CTNNA3: variants seen among roughly 807,000 people sequenced by gnomAD.
CTNNA3 encodes catenin alpha 3.
CTNNA3 carries 76 observed loss-of-function variants against 95.7 expected under a neutral mutation model. That is an observed-to-expected ratio of 0.79 (90% CI 0.66 to 0.96). The LOEUF (loss-of-function observed/expected upper bound fraction) is 0.96. Ranked by LOEUF, CTNNA3 falls within the 40% of genes least tolerant of loss-of-function variation. CTNNA3 has a pLI of 0.00. For synonymous variants in CTNNA3, 431 were observed against 374.4 expected, an observed-to-expected ratio of 1.15 and a Z score of -1.74; for missense variants, 1,191 against 1,089.8, an observed-to-expected ratio of 1.09 and a Z score of -1.31.
chr10:67,175,411 A>G (rs1468982386), intron 7 of CTNNA3, among the ~76,000 whole-genome samples: 1 of 152,114 alleles, frequency 6.6e-6, no homozygotes, highest in African/African-American at 2.4e-5. Flanking sequence ...CTTTATATGA[A>G]TTTTCAGAAT....
Position 65,956,991 on chromosome 10 carries a change from T to G in CTNNA3, c.2400+9621A>C, listed in dbSNP as rs181425322. ...GTGTCTAATGTTGACAGTGGGGTGT[T>G]AAAATCTCCCATTATTATTGTGTGG... is the stretch of plus-strand genomic sequence containing the variant. On this transcript the variant is annotated intron_variant, in intron 17 of 17. Coordinates refer to ENST00000433211, the MANE Select transcript of CTNNA3 (RefSeq NM_013266.4). Among the ~76,000 whole-genome samples the G allele has an allele frequency of 2.6e-3, 403 of 152,278 alleles. 2 individuals carry two copies. The highest frequency in any genetic ancestry group is 6.8e-3 in the Middle Eastern group (2 of 294).
chr10:67,698,147 T>C (rs1841002683), upstream of CTNNA3, among the ~76,000 whole-genome samples: 1 of 152,230 alleles, frequency 6.6e-6, no homozygotes, highest in Admixed American at 6.5e-5. Flanking sequence ...CTTCCCTATT[T>C]ACTTGTTTCC....
intron 9 of CTNNA3, among the ~76,000 whole-genome samples, chr10:66,704,315 T>C (rs1026583880): frequency 2.2e-4 from 34 of 152,304 alleles, no homozygotes; most frequent in African/African-American, 7.7e-4. Flanking sequence ...AGTTTGACTT[T>C]CTGTGCTGTA....
At chr10:67,760,997 C>T (rs964598402) in intron 1 of CTNNA3, among the ~76,000 whole-genome samples, 7 of 152,102 alleles carry the variant, frequency 4.6e-5, no homozygotes, top group African/African-American at 1.4e-4. Flanking sequence ...AAAACCATCC[C>T]GTGGAAAATT....
intron 5 of CTNNA3, among the ~76,000 whole-genome samples, chr10:67,360,334 G>A (rs1397828378): frequency 6.6e-6 from 1 of 151,332 alleles, no homozygotes; most frequent in Non-Finnish European, 1.5e-5. Context: ...TATCATGACT[G>A]GATCAAAACC....
At chr10:67,391,842 G>C (rs1455737664) in intron 5 of CTNNA3, among the ~76,000 whole-genome samples, 1 of 151,304 alleles carries the variant, frequency 6.6e-6, no homozygotes, top group Non-Finnish European at 1.5e-5. Flanking sequence ...TGGGAAAACT[G>C]GCTACCCATT....
chr10:67,262,458 A>G (rs1191247836), intron 5 of CTNNA3, among the ~76,000 whole-genome samples: 3 of 152,182 alleles, frequency 2.0e-5, no homozygotes, highest in Non-Finnish European at 4.4e-5. Context: ...ACTAGTGACC[A>G]TGAGATTCCC....
chr10:66,401,277 A>C (rs574011588), intron 11 of CTNNA3, among the ~76,000 whole-genome samples: 14 of 152,284 alleles, frequency 9.2e-5, no homozygotes, highest in Middle Eastern at 3.4e-3. Context: ...CTATAATCCC[A>C]GCACGCTGGG....
intron 5 of CTNNA3, among the ~76,000 whole-genome samples, chr10:67,368,642 G>A (rs548237547): frequency 1.8e-4 from 27 of 152,130 alleles, no homozygotes; most frequent in East Asian, 5.8e-4. Flanking sequence ...ATAAATAAAC[G>A]AATAATGGTA....
At chr10:67,706,275 C>T (rs1841078237) in intron 1 of CTNNA3, among the ~76,000 whole-genome samples, 1 of 151,702 alleles carries the variant, frequency 6.6e-6, no homozygotes, top group Non-Finnish European at 1.5e-5. Context: ...GGCTCTGGAG[C>T]TTGTAAGCAC....
In CTNNA3 at chr10:67,419,612, G is replaced by A. The variant is rs745527020; in HGVS notation, c.579+102230C>T. On this transcript the variant is annotated intron_variant, in intron 5 of 17. Coordinates refer to ENST00000433211, the MANE Select transcript of CTNNA3 (RefSeq NM_013266.4). ...TCATCAATTACAAATAAATTAAAGCGCTTTCTCATATCTCTGAAGGATGTA... is the reference window on the plus strand; with the variant it reads ...TCATCAATTACAAATAAATTAAAGCACTTTCTCATATCTCTGAAGGATGTA... Among the ~76,000 whole-genome samples, 18 of 152,102 alleles carry A rather than the reference G, an allele frequency of 1.2e-4. 1 individual carries two copies. Among genetic ancestry groups the A allele is most frequent in the South Asian group, 1.0e-3 (5 of 4,812 alleles).
intron 3 of CTNNA3, among the ~76,000 whole-genome samples, chr10:67,576,607 A>G (rs10997731): frequency 0.49 from 70,269 of 144,846 alleles, 20,372 homozygotes; most frequent in East Asian, 0.8. Context: ...ACAATGTGCA[A>G]GTTAGTTACA....
chr10:66,668,309 AGGTC>A (rs1280429628), intron 9 of CTNNA3, among the ~76,000 whole-genome samples: 4 of 152,296 alleles, frequency 2.6e-5, no homozygotes, highest in Admixed American at 2.0e-4. Context: ...TAGGATTACA[AGGTC>A]ATGTTTCTTT....
intron 9 of CTNNA3, among the ~76,000 whole-genome samples, chr10:66,668,476 T>C (rs888693308): frequency 6.6e-6 from 1 of 151,024 alleles, no homozygotes; most frequent in Non-Finnish European, 1.5e-5. Flanking sequence ...TCCACATATA[T>C]ACATACATAC....
chr10:67,143,582 T>A (rs1860697937), intron 7 of CTNNA3, among the ~76,000 whole-genome samples: 2 of 152,144 alleles, frequency 1.3e-5, no homozygotes, highest in South Asian at 4.1e-4. Context: ...TCCTTTGTTG[T>A]CATTTAACCA....
At position 67,672,967 on chromosome 10, in the gene CTNNA3, C is replaced by T. The variant is rs369514408; in HGVS notation, c.-6+23033G>A. Among the ~76,000 whole-genome samples, 806 of 151,698 alleles carry T rather than the reference C, an allele frequency of 5.3e-3. 14 individuals are homozygous for T. The East Asian group carries it at 0.063, about 12-fold the overall frequency. On this transcript the variant is annotated intron_variant, in intron 1 of 17. Coordinates refer to ENST00000433211, the MANE Select transcript of CTNNA3 (RefSeq NM_013266.4). ...ACCTTGGGCAGTATGGCCATTTTCA[C>T]GATATTGATTCTTCCTACCCATGAG...
intron 9 of CTNNA3, among the ~76,000 whole-genome samples, chr10:66,656,563 C>T (rs148614668): frequency 6.6e-6 from 1 of 152,234 alleles, no homozygotes; most frequent in African/African-American, 2.4e-5. Flanking sequence ...TAAAGTTCAA[C>T]ACCCATTCTA....
At chr10:66,830,712 C>T (rs1401189370) in intron 7 of CTNNA3, among the ~76,000 whole-genome samples, 2 of 152,080 alleles carry the variant, frequency 1.3e-5, no homozygotes, top group Non-Finnish European at 2.9e-5. Context: ...TGGGTTCCCG[C>T]CATTCTCCTG....
At chr10:66,592,833 T>C (rs1354880607) in intron 10 of CTNNA3, among the ~76,000 whole-genome samples, 1 of 152,114 alleles carries the variant, frequency 6.6e-6, no homozygotes, top group Non-Finnish European at 1.5e-5. Context: ...AGGGTAAATA[T>C]ATTAGGCATA....
Sources: allele counts gnomAD v4.1 joint callset (sites outside exome capture counted in the v4.1 genomes callset), GRCh38; gene constraint gnomAD v4.1.1; transcripts MANE v1.5; gene names NCBI Gene and HGNC (gene_info 2026-07-23, HGNC 2026-07-21).